Variants in ZNF684 observed in about 807,000 individuals in gnomAD.
ZNF684 encodes hypothetical protein MGC27466.
In ZNF684, 13 loss-of-function variants were observed where a neutral mutation model predicts 12.8. The observed-to-expected ratio is 1.02, with a 90% CI of 0.66 to 1.62. The LOEUF (loss-of-function observed/expected upper bound fraction) is 1.62, where lower values mean the gene tolerates loss of function less well. ZNF684 is among the 40% of genes most tolerant of loss of function. The pLI is 0.00. For synonymous variants in ZNF684, 118 were observed against 151.8 expected (o/e 0.78, Z 1.64); for missense variants, 384 against 446.9 (o/e 0.86, Z 1.27).
chr1:40,533,668 G>T (rs747577413), intron 2 of ZNF684, among the ~76,000 whole-genome samples: 2 of 152,104 alleles, frequency 1.3e-5, no homozygotes, highest in Non-Finnish European at 2.9e-5. Flanking sequence ...ATAAGTCCAG[G>T]TATGTGGCCT....
chr1:40,533,378 C>G (rs1273625692), intron 2 of ZNF684, among the ~76,000 whole-genome samples, 197 bp downstream of exon 2: 4 of 152,204 alleles, frequency 2.6e-5, no homozygotes, highest in African/African-American at 9.7e-5. Context: ...AATGTGTACT[C>G]AGTCTTCCTG....
chr1:40,543,875 C>T (rs1014369882), intron 4 of ZNF684, among the ~76,000 whole-genome samples: 1 of 152,096 alleles, frequency 6.6e-6, no homozygotes, highest in African/African-American at 2.4e-5. Context: ...CTAAATTAAT[C>T]TTCACTTTCT....
intron 2 of ZNF684, among the ~76,000 whole-genome samples, chr1:40,539,357 G>A (rs1646002304): frequency 6.6e-6 from 1 of 152,050 alleles, no homozygotes; most frequent in Admixed American, 6.6e-5. Flanking sequence ...AATTGCCTGG[G>A]TGTGGTGGCA....
rs374600659 is a variant in ZNF684, at chr1:40,541,628, C to T, written c.156C>T (p.Thr52=). ...TCCCACCAACAGGATGTCCAATTAC[C>T]AAAACAAAAGTGATCCTCAAGGTAG... ...RNLISVGCPI[T]KTKVILKVEQ... is the part of the protein sequence containing the mutation. The change falls in exon 4 of 5, where the codon ACC becomes ACT. Residue 52 remains threonine (T), a synonymous_variant. Coordinates refer to ENST00000372699, the MANE Select transcript of ZNF684 (RefSeq NM_152373.4). 1 of 1,612,778 alleles carries T rather than the reference C, an allele frequency of 6.2e-7. No homozygotes were observed. Among genetic ancestry groups the T allele is most frequent in the Non-Finnish European group, 8.5e-7 (1 of 1,179,404 alleles).
chr1:40,532,377 G>A (rs1431558628), intron 1 of ZNF684, among the ~76,000 whole-genome samples: 2 of 136,986 alleles, frequency 1.5e-5, no homozygotes, highest in South Asian at 2.3e-4. Flanking sequence ...TTTTTTTACA[G>A]TATAGCATTC....
At position 40,533,161 on chromosome 1, in the gene ZNF684, C is replaced by T. The variant is rs758853169; in HGVS notation, c.-6C>T. The stretch of plus-strand genomic sequence containing the variant: ...TTCATAGATTTCTGTGTAAGAGCTG[C>T]AGAAAATGATCAGCTTCCAGGTAAG... On this transcript the variant is annotated 5_prime_UTR_variant, in exon 2 of 5. Transcript: ENST00000372699. 21 of 1,613,340 alleles carry T rather than the reference C, an allele frequency of 1.3e-5. No individual in the cohort carries two copies. The highest frequency in any genetic ancestry group is 1.8e-5 in the Non-Finnish European group (21 of 1,179,648).
In ZNF684 at chr1:40,533,191, C is replaced by T. The variant is rs201113134; in HGVS notation, c.15+10C>T. 6.9e-5 allele frequency: 112 copies of T among 1,613,052 alleles called. No homozygotes were observed. Among genetic ancestry groups the T allele is most frequent in the South Asian group, 1.1e-4 (10 of 90,946 alleles). On this transcript the variant is annotated intron_variant, in intron 2 of 4. Coordinates refer to ENST00000372699, the MANE Select transcript of ZNF684 (RefSeq NM_152373.4). ...AATGATCAGCTTCCAGGTAAGGTAT[C>T]CATCTATTCATCCAGTTGTTTAAAT...
chr1:40,536,611 C>G, intron 2 of ZNF684, among the ~76,000 whole-genome samples: 1 of 147,572 alleles, frequency 6.8e-6, no homozygotes, highest in Non-Finnish European at 1.5e-5. Flanking sequence ...GCGCTACACC[C>G]ACTAACTCGT....
intron 3 of ZNF684, chr1:40,541,310 A>C (rs1646014279): frequency 4.9e-6 from 1 of 202,836 alleles, no homozygotes; most frequent in Admixed American, 4.8e-5. Context: ...CAGCCTCCCG[A>C]GTAGCTGAGA....
intron 2 of ZNF684, among the ~76,000 whole-genome samples, chr1:40,539,896 G>T (rs1164198171): frequency 6.6e-6 from 1 of 151,476 alleles, no homozygotes; most frequent in African/African-American, 2.4e-5. Context: ...TTGGAGAAAT[G>T]TCTCTAAATC....
Position 40,541,711 on chromosome 1 carries a change from G to C in ZNF684, c.238+1G>C. 2 of 1,611,678 alleles carry C rather than the reference G, an allele frequency of 1.2e-6. No individual in the cohort carries two copies. Among genetic ancestry groups the C allele is most frequent in the East Asian group, 2.2e-5 (1 of 44,806 alleles). ...GCGAATCCACACGAGAGCTCTCCAGGTGAGTGAGAGAAATTCAGATGGGGC... is the reference window on the plus strand; with the variant it reads ...GCGAATCCACACGAGAGCTCTCCAGCTGAGTGAGAGAAATTCAGATGGGGC... On this transcript the variant is annotated splice_donor_variant, in intron 4 of 4. Coordinates refer to ENST00000372699, the MANE Select transcript of ZNF684 (RefSeq NM_152373.4). LOFTEE classifies it high-confidence loss of function.
chr1:40,548,038 A>G lies in ZNF684; in HGVS notation c.*578A>G, dbSNP rs978109176. ...TTAATATAAAGATATTTTCCTATGT[A>G]TGTAAATACCAGAACAAAAAACAAG... On this transcript the variant is annotated 3_prime_UTR_variant, in exon 5 of 5. Transcript: ENST00000372699. 2 of 152,228 alleles carry G rather than the reference A, an allele frequency of 1.3e-5. No homozygotes were observed. Among genetic ancestry groups the G allele is most frequent in the Non-Finnish European group, 2.9e-5 (2 of 68,058 alleles). The allele number at this position is 152,228 out of a possible 1,614,324, so 9.4% of individuals were successfully genotyped here.
chr1:40,532,032 G>T (rs1196750016), intron 1 of ZNF684, among the ~76,000 whole-genome samples: 1 of 152,106 alleles, frequency 6.6e-6, no homozygotes, highest in Non-Finnish European at 1.5e-5. Flanking sequence ...GTAGGTCAAG[G>T]TCACTATGTA....
intron 2 of ZNF684, among the ~76,000 whole-genome samples, chr1:40,538,825 A>AAAAC (rs141890741): frequency 0.14 from 21,687 of 149,892 alleles, 2,131 homozygotes; most frequent in East Asian, 0.43. Context: ...TCCATCTCAA[A>AAAAC]AAACAAACAA....
At chr1:40,539,382 C>T (rs1646002399) in intron 2 of ZNF684, among the ~76,000 whole-genome samples, 2 of 151,514 alleles carry the variant, frequency 1.3e-5, no homozygotes, top group African/African-American at 4.8e-5. Context: ...CCTGTAGGCC[C>T]AGCTACTTGA....
At chr1:40,536,607 C>T (rs1570107127) in intron 2 of ZNF684, among the ~76,000 whole-genome samples, 2 of 147,324 alleles carry the variant, frequency 1.4e-5, no homozygotes, top group South Asian at 2.1e-4. Context: ...TGGTGCGCTA[C>T]ACCCACTAAC....
chr1:40,542,682 A>AT (rs1557610998), intron 4 of ZNF684, among the ~76,000 whole-genome samples: 1 of 152,088 alleles, frequency 6.6e-6, no homozygotes, highest in Non-Finnish European at 1.5e-5. Flanking sequence ...ATGGTAACTA[A>AT]TTTTTTTATT....
chr1:40,547,243 CT>C lies in ZNF684; in HGVS notation c.924del (p.Phe308LeufsTer40). The C allele has an allele frequency of 3.1e-6, 5 of 1,614,160 alleles. No homozygotes were observed. In the South Asian group the frequency reaches 5.5e-5, roughly 18 times the overall value. ...KPYQCIICGK[A>X]FGNTSVLVTH... ...TACCAGTGTATCATATGTGGCAAAGCTTTTGGCAACACATCCGTGCTTGTTA... is the reference window on the plus strand; with the variant it reads ...TACCAGTGTATCATATGTGGCAAAGCTTTGGCAACACATCCGTGCTTGTTA... On this transcript the variant is annotated frameshift_variant, in exon 5 of 5. Coordinates refer to ENST00000372699, the MANE Select transcript of ZNF684 (RefSeq NM_152373.4). LOFTEE classifies it low-confidence loss of function (END_TRUNC).
chr1:40,532,734 G>T (rs1000370), intron 1 of ZNF684, among the ~76,000 whole-genome samples: 72,520 of 151,938 alleles, frequency 0.48, 18,757 homozygotes, highest in African/African-American at 0.66. Flanking sequence ...TTATCCCAGC[G>T]TCAGAGTAGA....
Sources: gnomAD v4.1 joint callset for allele counts (sites outside exome capture counted in the v4.1 genomes callset) on GRCh38, gnomAD v4.1.1 for gene constraint, MANE v1.5 for transcripts, NCBI Gene and HGNC (gene_info 2026-07-23, HGNC 2026-07-21) for gene names.